The following NEDD4L variants were observed in gnomAD, a reference collection of about 807,000 sequenced individuals.
The protein encoded by NEDD4L is E3 ubiquitin-protein ligase NEDD4-like.
A neutral mutation model predicts 148.9 loss-of-function variants in NEDD4L; 54 were observed. The ratio of observed to expected loss-of-function variants is 0.36; its 90% confidence interval spans 0.29 to 0.45. The LOEUF is 0.45. NEDD4L is among the 20% of genes least tolerant of loss of function. The pLI is 1.00. For synonymous variants in NEDD4L, 433 were observed against 440.7 expected, an observed-to-expected ratio of 0.98 and a Z score of 0.22; for missense variants, 856 against 1,233.8, an observed-to-expected ratio of 0.69 and a Z score of 4.59.
At chr18:58,218,859 A>G (rs1312058712) in intron 2 of NEDD4L, among the ~76,000 whole-genome samples, 1 of 152,168 alleles carries the variant, frequency 6.6e-6, no homozygotes, top group Non-Finnish European at 1.5e-5. Context: ...ATTTTGGGAC[A>G]CTGGTGAGGT....
chr18:58,241,643 C>G (rs918075546), intron 2 of NEDD4L, among the ~76,000 whole-genome samples: 7 of 151,934 alleles, frequency 4.6e-5, no homozygotes, highest in Admixed American at 2.0e-4. Flanking sequence ...CTGCTGACTG[C>G]TTTTTTCCTG....
intron 2 of NEDD4L, among the ~76,000 whole-genome samples, chr18:58,234,726 T>C (rs1469009131): frequency 1.3e-5 from 2 of 152,072 alleles, no homozygotes; most frequent in Non-Finnish European, 2.9e-5. Flanking sequence ...CCCCATCTTA[T>C]AAGATAGAGA....
At chr18:58,277,276 T>G (rs1403588615) in intron 5 of NEDD4L, among the ~76,000 whole-genome samples, 2 of 151,722 alleles carry the variant, frequency 1.3e-5, no homozygotes, top group Non-Finnish European at 2.9e-5. Context: ...GCTGAAAACA[T>G]AAGCAACAAA....
intron 13 of NEDD4L, among the ~76,000 whole-genome samples, chr18:58,339,267 A>C (rs2042145638): frequency 6.6e-6 from 1 of 152,208 alleles, no homozygotes; most frequent in Non-Finnish European, 1.5e-5. Flanking sequence ...AAACAATAGT[A>C]GGTCAAAACT....
intron 2 of NEDD4L, among the ~76,000 whole-genome samples, chr18:58,199,414 T>C (rs563415500): frequency 6.6e-6 from 1 of 152,046 alleles, no homozygotes; most frequent in Non-Finnish European, 1.5e-5. Context: ...TGGGTGCTGC[T>C]CCACTTTCTA....
At chr18:58,276,036 T>A (rs1446291257) in intron 5 of NEDD4L, among the ~76,000 whole-genome samples, 1 of 152,182 alleles carries the variant, frequency 6.6e-6, no homozygotes. Flanking sequence ...CTTCTGACAC[T>A]TTTTAAACCA....
intron 1 of NEDD4L, among the ~76,000 whole-genome samples, chr18:58,126,869 C>T (rs1293087640): frequency 6.6e-6 from 1 of 152,226 alleles, no homozygotes; most frequent in African/African-American, 2.4e-5. Flanking sequence ...CAGTTCCCTG[C>T]AGACTCTCAC....
At chr18:58,251,895 A>G (rs1362809284) in intron 4 of NEDD4L, 106 bp from the exon 5 acceptor site, 1 of 695,550 alleles carries the variant, frequency 1.4e-6, no homozygotes, top group Non-Finnish European at 2.6e-6. Context: ...ATATTATACA[A>G]TTGAGTTGGG....
intron 16 of NEDD4L, among the ~76,000 whole-genome samples, chr18:58,347,759 G>A (rs748230595): frequency 1.2e-4 from 19 of 152,238 alleles, no homozygotes; most frequent in Non-Finnish European, 2.6e-4. Flanking sequence ...GATTTTTGTT[G>A]TTCGTGGTCT....
chr18:58,197,708 C>G (rs1458996602), intron 2 of NEDD4L: 1 of 152,558 alleles, frequency 6.6e-6, no homozygotes, highest in East Asian at 1.9e-4. Context: ...CCTGTAGGAA[C>G]TGGGCATGGC....
In NEDD4L at chr18:58,145,633, T is replaced by G. The variant is rs868851051; in HGVS notation, c.49-20155T>G. Reference sequence around the variant, plus strand: ...CTATGGATGTTTAAGGAATTGGGTTTTTTTTTTTTCTCCTTTGATGAATAC... The same window carrying G: ...CTATGGATGTTTAAGGAATTGGGTTGTTTTTTTTTCTCCTTTGATGAATAC... On this transcript the variant is annotated intron_variant, in intron 1 of 30. Transcript: ENST00000400345. Among the ~76,000 whole-genome samples the G allele has an allele frequency of 7.0e-3, 1,055 of 151,686 alleles. 11 individuals are homozygous for G. The highest frequency in any genetic ancestry group is 0.025 in the African/African-American group (1,014 of 41,356).
chr18:58,352,930 G>A lies in NEDD4L; in HGVS notation c.1708+1885G>A, dbSNP rs1038727673. Among the ~76,000 whole-genome samples, 9 of 152,196 alleles carry A rather than the reference G, an allele frequency of 5.9e-5. No individual in the cohort carries two copies. The South Asian group carries it at 8.3e-4, about 14-fold the overall frequency. On this transcript the variant is annotated intron_variant, in intron 18 of 30. Transcript: ENST00000400345. ...AAAAACACAATTACAAAGGGCTGTC[G>A]TAGCATGCGTTAAAATAGTGAAAAT... is the stretch of plus-strand genomic sequence containing the variant.
chr18:58,221,259 C>A (rs751299067), intron 2 of NEDD4L, among the ~76,000 whole-genome samples: 1 of 152,260 alleles, frequency 6.6e-6, no homozygotes, highest in Non-Finnish European at 1.5e-5. Context: ...TCTGATCTGG[C>A]TTTAAATAAG....
chr18:58,167,774 G>A (rs1011371388), intron 2 of NEDD4L, among the ~76,000 whole-genome samples: 2 of 152,156 alleles, frequency 1.3e-5, no homozygotes, highest in African/African-American at 4.8e-5. Context: ...ACCGGTAGTG[G>A]ATTGTGCCCT....
rs112462251 is a variant in NEDD4L at position 58,365,812 on chromosome 18, C to T, written c.1834-187C>T. ...CGCTAGTGGATGCCGTGTGTCCCAT[C>T]GTGACACAGCAAGGCTTTCTGTCTG... On this transcript the variant is annotated intron_variant, in intron 20 of 30. Coordinates refer to ENST00000400345, the MANE Select transcript of NEDD4L (RefSeq NM_001144967.3). Among the ~76,000 whole-genome samples the T allele has an allele frequency of 1.7e-3, 263 of 152,248 alleles. 1 individual carries two copies. Among genetic ancestry groups the T allele is most frequent in the Middle Eastern group, 6.8e-3 (2 of 294 alleles).
intron 2 of NEDD4L, among the ~76,000 whole-genome samples, chr18:58,177,908 TA>T (rs1308278993): frequency 6.6e-6 from 1 of 152,192 alleles, no homozygotes; most frequent in Non-Finnish European, 1.5e-5. Context: ...AAATGGTAAA[TA>T]AAACCTTTCC....
At chr18:58,357,533 A>T (rs2044848652) in intron 19 of NEDD4L, 2 of 598,586 alleles carry the variant, frequency 3.3e-6, no homozygotes, top group Non-Finnish European at 6.2e-6. Flanking sequence ...CTATAAGTAT[A>T]GTCAAAATTC....
intron 20 of NEDD4L, among the ~76,000 whole-genome samples, chr18:58,365,683 C>T (rs1250025781): frequency 6.6e-6 from 1 of 152,230 alleles, no homozygotes; most frequent in Non-Finnish European, 1.5e-5. Flanking sequence ...ATACAGTCGA[C>T]TGCCTTTCGG....
chr18:58,209,638 G>A (rs1490196938), intron 2 of NEDD4L, among the ~76,000 whole-genome samples: 5 of 150,610 alleles, frequency 3.3e-5, no homozygotes, highest in Non-Finnish European at 7.4e-5. Flanking sequence ...AAAGACCTAC[G>A]TTCATTATTT....
Sources: allele counts gnomAD v4.1 joint callset (sites outside exome capture counted in the v4.1 genomes callset), GRCh38; gene constraint gnomAD v4.1.1; transcripts MANE v1.5; gene names NCBI Gene and HGNC (gene_info 2026-07-23, HGNC 2026-07-21).